Variants in TMEM106B observed in about 807,000 individuals in gnomAD.
TMEM106B encodes the protein transmembrane protein 106B.
Under a neutral mutation model 31.1 loss-of-function variants are expected in TMEM106B, and 15 were observed. The ratio of observed to expected loss-of-function variants is 0.48; its 90% CI spans 0.32 to 0.74. The LOEUF (loss-of-function observed/expected upper bound fraction) is 0.74. Among genes scored for constraint, TMEM106B ranks in the 30% least tolerant of loss-of-function variants. TMEM106B has a pLI of 0.03. For missense variants in TMEM106B, 283 were observed against 327.3 expected (o/e 0.86, Z 1.04); for synonymous variants, 126 against 112.5 (o/e 1.12, Z -0.76).
rs749514895 is a variant in TMEM106B at position 12,224,285 on chromosome 7, T to A, written c.341T>A (p.Phe114Tyr). ...VCLLLSGLAV[F>Y]FLFPRSIDVK... ...CTACTCCTTTCTGGATTGGCTGTGT[T>A]TTTCCTTTTCCCTCGCTCTATCGAC... is the stretch of plus-strand genomic sequence containing the variant. The change falls in exon 4 of 8, where the codon TTT becomes TAT. Residue 114 changes from phenylalanine to tyrosine, a missense_variant. By Grantham distance (22) the Phe-to-Tyr change is conservative. Around this residue, in one of 3 missense-constraint regions of TMEM106B, gnomAD observed 201 missense variants for 211.5 expected, o/e 0.95. Coordinates refer to ENST00000396668, the MANE Select transcript of TMEM106B (RefSeq NM_001134232.2). 3.1e-6 allele frequency: 5 copies of A among 1,614,134 alleles called. No homozygotes were observed. The South Asian group carries it at 5.5e-5, about 18-fold the overall frequency.
At chr7:12,218,435 G>T (rs201601029) in intron 2 of TMEM106B, 23 bp from the exon 3 acceptor site, 1 of 1,602,922 alleles carries the variant, frequency 6.2e-7, no homozygotes, top group South Asian at 1.1e-5. Flanking sequence ...AGTAATTTCT[G>T]AACTTACTTC....
rs762378316 is a variant in TMEM106B at position 12,232,966 on chromosome 7, A to G, written c.*991A>G. 6.6e-6 allele frequency: 1 copy of G among 151,766 alleles called. No individual in the cohort carries two copies. Among genetic ancestry groups the G allele is most frequent in the Non-Finnish European group, 1.5e-5 (1 of 67,754 alleles). 9.4% of individuals were successfully genotyped at this position (151,766 alleles called of 1,614,324 possible). ...CATGTTTTGCAACTGTTAGGTACCC[A>G]GTTATCAATTTTATCAATGTTTTAG... On this transcript the variant is annotated 3_prime_UTR_variant, in exon 8 of 8. Transcript: ENST00000396668.
At chr7:12,211,927 C>T (rs939432174) in intron 1 of TMEM106B, among the ~76,000 whole-genome samples, 2 of 152,154 alleles carry the variant, frequency 1.3e-5, no homozygotes, top group African/African-American at 4.8e-5. Flanking sequence ...TGTTGACTTT[C>T]AGTAAACTAA....
rs1325552859 is a variant in TMEM106B, at chr7:12,242,509, A to G, written c.*10534A>G. 6.6e-6 allele frequency: 1 copy of G among 151,916 alleles called. No homozygotes were observed. The highest frequency in any genetic ancestry group is 2.4e-5 in the African/African-American group (1 of 41,430). 9.4% of individuals were successfully genotyped at this position (151,916 alleles called of 1,614,324 possible). A position where few individuals can be genotyped will look rare whatever the true frequency, so the allele number is the denominator to read the frequency against. ...AAATCTAAACAGAGACCACACTGAT[A>G]TCTGTAACAACCTATGTAAAGTTAA... On this transcript the variant is annotated 3_prime_UTR_variant, in exon 8 of 8. Coordinates refer to ENST00000396668, the MANE Select transcript of TMEM106B (RefSeq NM_001134232.2).
Position 12,239,522 on chromosome 7 carries a change from A to G in TMEM106B, c.*7547A>G, listed in dbSNP as rs1380660005. The G allele has an allele frequency of 1.3e-5, 2 of 152,122 alleles. No individual in the cohort carries two copies. Among genetic ancestry groups the G allele is most frequent in the Admixed American group, 1.3e-4 (2 of 15,268 alleles). 9.4% of individuals were successfully genotyped at this position (152,122 alleles called of 1,614,324 possible). A position where few individuals can be genotyped will look rare whatever the true frequency, so the allele number is the denominator to read the frequency against. On this transcript the variant is annotated 3_prime_UTR_variant, in exon 8 of 8. Coordinates refer to ENST00000396668, the MANE Select transcript of TMEM106B (RefSeq NM_001134232.2). The stretch of plus-strand genomic sequence containing the variant: ...GTGCAAGAGACCTAGCTTTCAGCCT[A>G]TCTTGACTTTCCAAGATTGTCCTTG...
At chr7:12,221,862 A>G (rs1211654414) in intron 3 of TMEM106B, among the ~76,000 whole-genome samples, 1 of 152,178 alleles carries the variant, frequency 6.6e-6, no homozygotes, top group Non-Finnish European at 1.5e-5. Context: ...ATCAACATAT[A>G]TGTGTGAGGA....
rs1453830523 is a variant in TMEM106B at position 12,238,513 on chromosome 7, C to T, written c.*6538C>T. 1 of 152,210 alleles carries T rather than the reference C, an allele frequency of 6.6e-6. No individual in the cohort carries two copies. The highest frequency in any genetic ancestry group is 2.4e-5 in the African/African-American group (1 of 41,432). The allele number at this position is 152,210 out of a possible 1,614,324, so 9.4% of individuals were successfully genotyped here. On this transcript the variant is annotated 3_prime_UTR_variant, in exon 8 of 8. Transcript: ENST00000396668. Reference sequence around the variant, plus strand: ...TTAATGGCATCTAGAATGGCAAATCCTTTCTGGAAGGTTTCAATTTACTTT... The same window carrying T: ...TTAATGGCATCTAGAATGGCAAATCTTTTCTGGAAGGTTTCAATTTACTTT...
intron 1 of TMEM106B, among the ~76,000 whole-genome samples, chr7:12,211,989 CT>C (rs1338770764): frequency 6.6e-6 from 1 of 152,154 alleles, no homozygotes; most frequent in African/African-American, 2.4e-5. Context: ...AGAAGAGGGT[CT>C]AGCACCCCTT....
chr7:12,223,844 C>T (rs1262668459), intron 3 of TMEM106B, among the ~76,000 whole-genome samples: 1 of 151,818 alleles, frequency 6.6e-6, no homozygotes, highest in Non-Finnish European at 1.5e-5. Context: ...CCTCAGCCTC[C>T]TGAGTAGCTG....
intron 6 of TMEM106B, 110 bp downstream of exon 6, chr7:12,230,548 A>C (rs1303930246): frequency 1.5e-6 from 1 of 681,794 alleles, no homozygotes; most frequent in Non-Finnish European, 2.4e-6. Context: ...AAAAGAGTAC[A>C]TTATGTAGTA....
intron 2 of TMEM106B, 152 bp downstream of exon 2, chr7:12,215,179 A>C (rs1036677970): frequency 5.0e-6 from 3 of 604,556 alleles, no homozygotes; most frequent in Non-Finnish European, 8.3e-6. Context: ...AAAAAGATGC[A>C]AAAGAAACAA....
chr7:12,229,321 G>A (rs529698676), intron 4 of TMEM106B, among the ~76,000 whole-genome samples: 2 of 152,124 alleles, frequency 1.3e-5, no homozygotes, highest in South Asian at 2.1e-4. Context: ...CTCTACTAGT[G>A]TACAAGTTGA....
intron 2 of TMEM106B, among the ~76,000 whole-genome samples, chr7:12,217,253 G>C (rs1399255308): frequency 6.6e-6 from 1 of 152,094 alleles, no homozygotes. Context: ...TAAAAGAGAA[G>C]GTAAAGTATG....
At position 12,218,529 on chromosome 7, in the gene TMEM106B, A is replaced by G; in HGVS notation, c.281+8A>G. The G allele has an allele frequency of 2.5e-6, 4 of 1,605,230 alleles. No individual in the cohort carries two copies. Among genetic ancestry groups the G allele is most frequent in the Non-Finnish European group, 3.4e-6 (4 of 1,174,782 alleles). ...ATTAAGGCCAAGAAGAACGTAAGTG[A>G]TTCTAAGAATATGGCAGTGTTTTAT... On this transcript the variant is annotated splice_region_variant and intron_variant, in intron 3 of 7. Coordinates refer to ENST00000396668, the MANE Select transcript of TMEM106B (RefSeq NM_001134232.2).
At chr7:12,218,173 G>A (rs892622945) in intron 2 of TMEM106B, among the ~76,000 whole-genome samples, 3 of 151,606 alleles carry the variant, frequency 2.0e-5, no homozygotes, top group Admixed American at 6.6e-5. Context: ...GGTAAATTTA[G>A]CTCTTCTGAA....
At chr7:12,231,635 A>G in intron 7 of TMEM106B, 2 of 427,156 alleles carry the variant, frequency 4.7e-6, no homozygotes, top group East Asian at 3.3e-5. Context: ...ATGTGTAATT[A>G]TGTCTACAGG....
At chr7:12,215,232 C>A (rs1781663225) in intron 2 of TMEM106B, among the ~76,000 whole-genome samples, 1 of 152,130 alleles carries the variant, frequency 6.6e-6, no homozygotes, top group South Asian at 2.1e-4. Context: ...AAGAAAACCA[C>A]CTCACTACCT....
At chr7:12,213,777 G>T (rs753329181) in intron 1 of TMEM106B, among the ~76,000 whole-genome samples, 2 of 152,180 alleles carry the variant, frequency 1.3e-5, no homozygotes, top group Non-Finnish European at 2.9e-5. Flanking sequence ...CCAAAAGGTA[G>T]TTTGAACATT....
chr7:12,225,008 C>A (rs145110354), intron 4 of TMEM106B, among the ~76,000 whole-genome samples: 2 of 151,980 alleles, frequency 1.3e-5, no homozygotes, highest in Admixed American at 1.3e-4. Flanking sequence ...CTAATGCTAT[C>A]CCTCCCCCAT....
Sources: gnomAD v4.1 joint callset for allele counts (sites outside exome capture counted in the v4.1 genomes callset) on GRCh38, gnomAD v4.1.1 for gene constraint, gnomAD v4.1.1 regional missense constraint, MANE v1.5 for transcripts, NCBI Gene and HGNC (gene_info 2026-07-23, HGNC 2026-07-21) for gene names.